ASB8: variants seen among roughly 807,000 people sequenced by gnomAD.
ASB8 encodes the protein ankyrin repeat and SOCS box protein 8.
A neutral mutation model predicts 22.9 loss-of-function variants in ASB8; 15 were observed. That is an observed-to-expected ratio of 0.66 (90% CI 0.44 to 1.01). The LOEUF is 1.01. Among genes scored for constraint, ASB8 ranks in the 50% least tolerant of loss-of-function variants. The probability of loss-of-function intolerance (pLI) is 0.00; values close to 1 mark genes in which losing one functional copy is unlikely to be tolerated. For missense variants in ASB8, 294 were observed against 356.9 expected (o/e 0.82, Z 1.42); for synonymous variants, 124 against 140.8 (o/e 0.88, Z 0.84).
At chr12:48,155,688 C>G (rs1243039852) in intron 1 of ASB8, among the ~76,000 whole-genome samples, 5 of 145,306 alleles carry the variant, frequency 3.4e-5, no homozygotes, top group African/African-American at 1.3e-4. Context: ...TGAGATCGCG[C>G]CACTGCACTC....
chr12:48,154,452 G>A (rs1324441448), intron 1 of ASB8, among the ~76,000 whole-genome samples: 2 of 129,262 alleles, frequency 1.5e-5, no homozygotes, highest in East Asian at 2.2e-4. Flanking sequence ...CCGCACTCCA[G>A]CCTGGGCAAC....
intron 2 of ASB8, 93 bp downstream of exon 2, chr12:48,153,275 C>G (rs1307700097): frequency 2.0e-6 from 3 of 1,487,306 alleles, no homozygotes; most frequent in Admixed American, 1.7e-5. Context: ...TCCCTGTGAT[C>G]TTGGGTTGAG....
At chr12:48,157,024 G>C (rs187866077) in intron 1 of ASB8, 29 of 148,424 alleles carry the variant, frequency 2.0e-4, no homozygotes, top group Admixed American at 1.9e-3. Flanking sequence ...GAAAAGAGAA[G>C]ACACAACAGC....
At position 48,149,665 on chromosome 12, in the gene ASB8, G is replaced by C. The variant is rs552443351; in HGVS notation, c.568C>G (p.Arg190Gly). The C allele has an allele frequency of 4.3e-6, 7 of 1,614,100 alleles. No individual in the cohort carries two copies. In the African/African-American group the frequency reaches 8.0e-5, roughly 18 times the overall value. The change falls in exon 4 of 4, where the codon CGC becomes GGC. Residue 190 changes from arginine (R) to glycine (G), a missense_variant. Arg to Gly is a moderately radical substitution (Grantham distance 125, BLOSUM62 -2). Transcript: ENST00000317697. ...CCCCTGACTAGCAGAGCCACCAGGC[G>C]GGAGATGGGTGTCTGGCCTATTAGG... is the stretch of plus-strand genomic sequence containing the variant. ...INLIGQTPIS[R>G]LVALLVRGLG...
In ASB8 at chr12:48,151,221, G is replaced by A. The variant is rs1334995241; in HGVS notation, c.214C>T (p.Leu72Phe). 1 of 1,613,268 alleles carries A rather than the reference G, an allele frequency of 6.2e-7. No individual in the cohort carries two copies. The highest frequency in any genetic ancestry group is 1.7e-5 in the Admixed American group (1 of 59,994). The stretch of plus-strand genomic sequence containing the variant: ...ATTACCTCGGCTCCTTTTTCCAGAA[G>A]TAACTCCACACAGTCAGCATCTGAC... ...MVSDADCVEL[L>F]LEKGAEVNAL... The change falls in exon 3 of 4, where the codon CTT becomes TTT. Residue 72 changes from leucine (L) to phenylalanine (F), a missense_variant. Leu to Phe is a conservative substitution (Grantham distance 22, BLOSUM62 0). Transcript: ENST00000317697.
chr12:48,154,424 T>G (rs1189379648), intron 1 of ASB8, among the ~76,000 whole-genome samples: 2 of 133,154 alleles, frequency 1.5e-5, no homozygotes, highest in African/African-American at 2.9e-5. Flanking sequence ...GAGCTTGCAG[T>G]GAGCCGAGAT....
chr12:48,156,845 G>A (rs1951312731), intron 1 of ASB8, among the ~76,000 whole-genome samples: 1 of 152,082 alleles, frequency 6.6e-6, no homozygotes, highest in South Asian at 2.1e-4. Context: ...AGCTAAATTC[G>A]ATCTCACTAG....
rs1200631054 is a variant in ASB8, at chr12:48,149,209, G to C, written c.*157C>G. ...TTTGTTGGGTTGTTTGGTTTGGGAAGGGGAGGTGCTATGGAGGTTATTGTT... is the reference window on the plus strand; with the variant it reads ...TTTGTTGGGTTGTTTGGTTTGGGAACGGGAGGTGCTATGGAGGTTATTGTT... On this transcript the variant is annotated 3_prime_UTR_variant, in exon 4 of 4. Coordinates refer to ENST00000317697, the MANE Select transcript of ASB8 (RefSeq NM_024095.5). 1.3e-6 allele frequency: 1 copy of C among 757,462 alleles called. No homozygotes were observed. The highest frequency in any genetic ancestry group is 2.1e-6 in the Non-Finnish European group (1 of 487,556). The allele number at this position is 757,462 out of a possible 1,614,324, so 46.9% of individuals were successfully genotyped here.
rs1393292737 is a variant in ASB8 at position 48,148,134 on chromosome 12, G to C, written c.*1232C>G. ...ATTGTATTGTATAAATCAATAAAAA[G>C]CAAAGGTTCCAGAACAACTGAAAGA... is the stretch of plus-strand genomic sequence containing the variant. On this transcript the variant is annotated 3_prime_UTR_variant, in exon 4 of 4. Transcript: ENST00000317697. 6.6e-6 allele frequency: 1 copy of C among 152,074 alleles called. No individual in the cohort carries two copies. Among genetic ancestry groups the C allele is most frequent in the Admixed American group, 6.6e-5 (1 of 15,258 alleles). 9.4% of individuals were successfully genotyped at this position (152,074 alleles called of 1,614,324 possible).
intron 1 of ASB8, 27 bp from the exon 2 acceptor site, chr12:48,153,556 A>G (rs1466723816): frequency 1.3e-6 from 2 of 1,577,562 alleles, no homozygotes; most frequent in Non-Finnish European, 1.7e-6. Context: ...TTCGGCATAT[A>G]CAATATCACT....
chr12:48,150,227 T>G, intron 3 of ASB8: 1 of 700,682 alleles, frequency 1.4e-6, no homozygotes, highest in Non-Finnish European at 2.6e-6. Context: ...TTATGTGCAC[T>G]GACTAGCTGG....
At position 48,153,367 on chromosome 12, in the gene ASB8, C is replaced by T. The variant is rs1951234282; in HGVS notation, c.129+1G>A. ...TCTCCTGTCAATACCAGCACACTCA[C>T]CCCTCTGATGAGGTCCTCTACATTA... On this transcript the variant is annotated splice_donor_variant, in intron 2 of 3. Transcript: ENST00000317697. LOFTEE classifies it high-confidence loss of function. 4 of 1,613,906 alleles carry T rather than the reference C, an allele frequency of 2.5e-6. No homozygotes were observed. Among genetic ancestry groups the T allele is most frequent in the Non-Finnish European group, 3.4e-6 (4 of 1,179,824 alleles).
chr12:48,149,994 T>C lies in ASB8; in HGVS notation c.239A>G (p.Asn80Ser). The C allele has an allele frequency of 6.2e-7, 1 of 1,612,454 alleles. No homozygotes were observed. Among genetic ancestry groups the C allele is most frequent in the Non-Finnish European group, 8.5e-7 (1 of 1,178,704 alleles). The change falls in exon 4 of 4, where the codon AAT (asparagine) becomes AGT (serine). Residue 80 changes from asparagine to serine, a missense_variant. Physicochemically the swap from Asn to Ser is conservative, Grantham distance 46. Transcript: ENST00000317697. ...TGTTCGGTTATACCCATCCAGGGCATTCACCTGTAAAAAGGGAGGAACTAT... is the reference window on the plus strand; with the variant it reads ...TGTTCGGTTATACCCATCCAGGGCACTCACCTGTAAAAAGGGAGGAACTAT... ...ELLLEKGAEV[N>S]ALDGYNRTAL...
intron 1 of ASB8, among the ~76,000 whole-genome samples, chr12:48,155,311 AGGTTCTTAACAT>A (rs1260106691): frequency 6.6e-6 from 1 of 152,260 alleles, no homozygotes; most frequent in African/African-American, 2.4e-5. Flanking sequence ...AACACATGGT[AGGTTCTTAACAT>A]CTGTTGAACC....
rs2136072082 is a variant in ASB8, at chr12:48,148,174, C to T, written c.*1192G>A. 1 of 152,292 alleles carries T rather than the reference C, an allele frequency of 6.6e-6. No individual in the cohort carries two copies. The highest frequency in any genetic ancestry group is 2.4e-5 in the African/African-American group (1 of 41,536). The allele number at this position is 152,292 out of a possible 1,614,324, so 9.4% of individuals were successfully genotyped here. ...CAACTGAAAGAAAAATAATTCCAAA[C>T]TAAGCAGAGTGAACTTTCCATTGGG... On this transcript the variant is annotated 3_prime_UTR_variant, in exon 4 of 4. Coordinates refer to ENST00000317697, the MANE Select transcript of ASB8 (RefSeq NM_024095.5).
intron 2 of ASB8, among the ~76,000 whole-genome samples, chr12:48,151,925 G>T (rs1025828846): frequency 8.5e-5 from 13 of 152,294 alleles, no homozygotes; most frequent in Admixed American, 5.2e-4. Flanking sequence ...GCTGAGGTGG[G>T]CAGATCACCT....
At chr12:48,152,184 A>G (rs138747796) in intron 2 of ASB8, among the ~76,000 whole-genome samples, 128 of 152,144 alleles carry the variant, frequency 8.4e-4, no homozygotes, top group Admixed American at 7.1e-3. Flanking sequence ...AGATGGAGAT[A>G]CCAGTCAGAC....
intron 1 of ASB8, among the ~76,000 whole-genome samples, chr12:48,156,225 T>A (rs910818134): frequency 4.6e-5 from 7 of 151,878 alleles, no homozygotes; most frequent in African/African-American, 1.7e-4. Context: ...TATCGATAAT[T>A]CAAATTAGGT....
At position 48,157,467 on chromosome 12, in the gene ASB8, T is replaced by G. The variant is rs545776218; in HGVS notation, c.-42A>C. On this transcript the variant is annotated 5_prime_UTR_variant, in exon 1 of 4. Coordinates refer to ENST00000317697, the MANE Select transcript of ASB8 (RefSeq NM_024095.5). Reference sequence around the variant, plus strand: ...CCAAGGACCGCACTCACCGAATTGCTGGGCTGAGGTGGGGGTTGAAAGCCG... The same window carrying G: ...CCAAGGACCGCACTCACCGAATTGCGGGGCTGAGGTGGGGGTTGAAAGCCG... 6.6e-6 allele frequency: 1 copy of G among 152,000 alleles called. No individual in the cohort carries two copies. The highest frequency in any genetic ancestry group is 1.5e-5 in the Non-Finnish European group (1 of 68,084). The allele number at this position is 152,000 out of a possible 1,614,324, so 9.4% of individuals were successfully genotyped here.
Sources: gnomAD v4.1 joint callset for allele counts (sites outside exome capture counted in the v4.1 genomes callset) on GRCh38, gnomAD v4.1.1 for gene constraint, MANE v1.5 for transcripts, NCBI Gene and HGNC (gene_info 2026-07-23, HGNC 2026-07-21) for gene names.